Variants in RMC1 observed in about 807,000 individuals in gnomAD.
The protein encoded by RMC1 is regulator of MON1-CCZ1.
RMC1 carries 44 observed loss-of-function variants against 95.5 expected under a neutral mutation model. That is an observed-to-expected ratio of 0.46 (90% confidence interval 0.36 to 0.59). The LOEUF (loss-of-function observed/expected upper bound fraction) is 0.59, where lower values mean the gene tolerates loss of function less well. Ranked by LOEUF, RMC1 falls within the 20% of genes least tolerant of loss-of-function variation. RMC1 has a pLI of 0.00. For missense variants in RMC1, 705 were observed against 819.6 expected (o/e 0.86, Z 1.71); for synonymous variants, 320 against 303.6 (o/e 1.05, Z -0.56).
chr18:23,528,119 T>G, intron 14 of RMC1: 2 of 470,794 alleles, frequency 4.2e-6, no homozygotes, highest in Non-Finnish European at 7.5e-6. Context: ...TCTCACTTCA[T>G]ACCTTCACTG....
At position 23,530,056 on chromosome 18, in the gene RMC1, C is replaced by T; in HGVS notation, c.1523C>T (p.Thr508Ile). Residue 508 changes from threonine (T) to isoleucine (I), a missense_variant, in exon 17 of 20, where the codon ACC becomes ATC. Thr to Ile is a moderately conservative substitution (Grantham distance 89, BLOSUM62 -1). Coordinates refer to ENST00000269221, the MANE Select transcript of RMC1 (RefSeq NM_013326.5). ...QHYLHELVIK[T>I]LVQHNLFYML... is the part of the protein sequence containing the mutation. ...TACCTACATGAACTTGTTATCAAAA[C>T]CCTTGTCCAGCACAACCTCTTTTAT... 3 of 1,614,178 alleles carry T rather than the reference C, an allele frequency of 1.9e-6. No individual in the cohort carries two copies. The highest frequency in any genetic ancestry group is 2.2e-5 in the South Asian group (2 of 91,086).
chr18:23,521,649 TG>T (rs1240339442), intron 10 of RMC1, among the ~76,000 whole-genome samples: 3 of 152,002 alleles, frequency 2.0e-5, no homozygotes, highest in African/African-American at 7.2e-5. Flanking sequence ...CCAGTGTAAT[TG>T]ATTTTAAGAT....
rs12386105 is a variant in RMC1 at position 23,529,872 on chromosome 18, A to C, written c.1495-156A>C. 3.2e-3 allele frequency: 3,325 copies of C among 1,040,728 alleles called. 78 individuals are homozygous for C. In the African/African-American group the frequency reaches 0.048, roughly 15 times the overall value. The allele number at this position is 1,040,728 out of a possible 1,614,324, so 64.5% of individuals were successfully genotyped here. A position where few individuals can be genotyped will look rare whatever the true frequency, so the allele number is the denominator to read the frequency against. On this transcript the variant is annotated intron_variant, in intron 16 of 19. Transcript: ENST00000269221. Reference sequence around the variant, plus strand: ...ATTATTAGTTGGAATGGGAAGTGTAAGGTCAAGTTGGGGTCTTTACCTGCA... The same window carrying C: ...ATTATTAGTTGGAATGGGAAGTGTACGGTCAAGTTGGGGTCTTTACCTGCA...
chr18:23,525,852 C>T (rs1298395423), intron 12 of RMC1, among the ~76,000 whole-genome samples: 2 of 152,230 alleles, frequency 1.3e-5, no homozygotes, highest in East Asian at 1.9e-4. Flanking sequence ...TGCCTTTCCT[C>T]TGGAATTCCT....
intron 2 of RMC1, among the ~76,000 whole-genome samples, chr18:23,504,892 AC>A (rs2057675003): frequency 1.3e-5 from 2 of 152,184 alleles, no homozygotes; most frequent in South Asian, 4.1e-4. Context: ...GCACTGTTGA[AC>A]AGGTTTAATG....
intron 15 of RMC1, 68 bp from the exon 16 acceptor site, chr18:23,529,567 T>G (rs957516104): frequency 2.1e-6 from 3 of 1,410,676 alleles, no homozygotes; most frequent in Non-Finnish European, 3.0e-6. Flanking sequence ...GGGGGTTGGA[T>G]AGAGAGTTAT....
intron 10 of RMC1, chr18:23,522,898 T>G (rs557439505): frequency 5.2e-5 from 8 of 152,396 alleles, no homozygotes; most frequent in Non-Finnish European, 1.2e-4. Context: ...GCTCAGGAAT[T>G]GAATGGGCCT....
intron 10 of RMC1, chr18:23,522,947 G>T (rs1042669260): frequency 6.6e-6 from 1 of 152,280 alleles, no homozygotes; most frequent in African/African-American, 2.4e-5. Context: ...GGAAGAGTCA[G>T]CCACCCTTTT....
intron 4 of RMC1, among the ~76,000 whole-genome samples, chr18:23,508,437 T>C (rs1259323090): frequency 6.6e-6 from 1 of 152,188 alleles, no homozygotes; most frequent in Non-Finnish European, 1.5e-5. Flanking sequence ...AAGTTTCCTT[T>C]CCTCAATTTG....
chr18:23,527,542 A>G (rs1362819910), intron 13 of RMC1, among the ~76,000 whole-genome samples: 1 of 150,694 alleles, frequency 6.6e-6, no homozygotes, highest in Non-Finnish European at 1.5e-5. Flanking sequence ...GGCCTACCCA[A>G]AGTGCTGGGA....
In RMC1 at chr18:23,524,433, T is replaced by G; in HGVS notation, c.1011T>G (p.Ser337=). 1 of 1,614,106 alleles carries G rather than the reference T, an allele frequency of 6.2e-7. No homozygotes were observed. Among genetic ancestry groups the G allele is most frequent in the Non-Finnish European group, 8.5e-7 (1 of 1,179,940 alleles). ...AGAATTTCCTATAACATGTGGATTCTTCATCTTGGATTGTCTTTCAACCTG... is the reference window on the plus strand; with the variant it reads ...AGAATTTCCTATAACATGTGGATTCGTCATCTTGGATTGTCTTTCAACCTG... The part of the protein sequence containing the change: ...SQSPVPCKLY[S]SSWIVFQPDI... The change falls in exon 12 of 20, where the codon TCT becomes TCG. Residue 337 remains serine, a synonymous_variant. Transcript: ENST00000269221.
Position 23,531,694 on chromosome 18 carries a change from C to T in RMC1, c.1964C>T (p.Thr655Ile), listed in dbSNP as rs750659004. 11 of 1,609,180 alleles carry T rather than the reference C, an allele frequency of 6.8e-6. No homozygotes were observed. The highest frequency in any genetic ancestry group is 9.3e-6 in the Non-Finnish European group (11 of 1,179,000). Reference sequence around the variant, plus strand: ...GGAGACCAAGCTCTAATGAGGCCTACAACATTCTGAAATCACTTGCTGTTT... The same window carrying T: ...GGAGACCAAGCTCTAATGAGGCCTATAACATTCTGAAATCACTTGCTGTTT... ...IFGDQALMRP[T>I]TF The change falls in exon 20 of 20, where the codon ACA (threonine) becomes ATA (isoleucine). Residue 655 changes from threonine to isoleucine, a missense_variant. Transcript: ENST00000269221.
At chr18:23,503,933 G>C (rs1168687790) in intron 1 of RMC1, among the ~76,000 whole-genome samples, 1 of 151,970 alleles carries the variant, frequency 6.6e-6, no homozygotes, top group Non-Finnish European at 1.5e-5. Context: ...CCCCGAGCCA[G>C]CTGCGCGGAT....
At chr18:23,523,402 T>C (rs2058195990) in intron 10 of RMC1, among the ~76,000 whole-genome samples, 1 of 151,888 alleles carries the variant, frequency 6.6e-6, no homozygotes, top group Non-Finnish European at 1.5e-5. Context: ...CAATGGATAA[T>C]CGAACTAATT....
chr18:23,521,861 T>C (rs1245315063), intron 10 of RMC1, among the ~76,000 whole-genome samples: 2 of 152,202 alleles, frequency 1.3e-5, no homozygotes, highest in Non-Finnish European at 2.9e-5. Flanking sequence ...CTTTCTTCTG[T>C]GCCTGTCCCT....
At chr18:23,522,963 T>C (rs1410116059) in intron 10 of RMC1, 3 of 152,282 alleles carry the variant, frequency 2.0e-5, no homozygotes, top group Non-Finnish European at 4.4e-5. Context: ...CTTTTTCTTT[T>C]TGTTTTGGGC....
chr18:23,515,192 G>A (rs550528202), intron 5 of RMC1, among the ~76,000 whole-genome samples: 18 of 152,274 alleles, frequency 1.2e-4, no homozygotes, highest in South Asian at 4.1e-4. Context: ...GCTCTTAGGT[G>A]TATCCATGTG....
chr18:23,510,139 A>G (rs1021954463), intron 5 of RMC1, among the ~76,000 whole-genome samples: 1 of 151,932 alleles, frequency 6.6e-6, no homozygotes, highest in Non-Finnish European at 1.5e-5. Flanking sequence ...CCAGGCCAAC[A>G]TGATGAAATC....
intron 14 of RMC1, chr18:23,528,807 C>T (rs2058386696): frequency 5.8e-6 from 1 of 173,232 alleles, no homozygotes; most frequent in South Asian, 1.2e-4. Flanking sequence ...ACATGAGCAG[C>T]ATCTGGAGTT....
Sources: allele counts gnomAD v4.1 joint callset (sites outside exome capture counted in the v4.1 genomes callset), GRCh38; gene constraint gnomAD v4.1.1; transcripts MANE v1.5; gene names NCBI Gene and HGNC (gene_info 2026-07-23, HGNC 2026-07-21).